ZNF536: variants seen among roughly 807,000 people sequenced by gnomAD.
The protein encoded by ZNF536 is zinc finger protein 536.
A neutral mutation model predicts 84.5 loss-of-function variants in ZNF536; 13 were observed. That is an observed-to-expected ratio of 0.15 (90% confidence interval 0.10 to 0.24). ZNF536 has a LOEUF of 0.24. Ranked by LOEUF, ZNF536 falls within the 10% of genes least tolerant of loss-of-function variation. The pLI, the probability that ZNF536 is intolerant of heterozygous loss-of-function variation, is 1.00. For missense variants in ZNF536, 1,536 were observed against 1,747.5 expected (o/e 0.88, Z 2.16); for synonymous variants, 811 against 742.5 (o/e 1.09, Z -1.50).
intron 1 of ZNF536, among the ~76,000 whole-genome samples, chr19:30,416,992 G>C (rs1043366353): frequency 6.6e-6 from 1 of 151,666 alleles, no homozygotes; most frequent in Non-Finnish European, 1.5e-5. Context: ...TTTCTTTCTT[G>C]AGATGGAGTC....
At chr19:30,704,532 A>G (rs893782398) in intron 1 of ZNF536, among the ~76,000 whole-genome samples, 65 of 151,460 alleles carry the variant, frequency 4.3e-4, no homozygotes, top group African/African-American at 1.5e-3. Context: ...CTGTAATCCC[A>G]GCTACTTGGG....
intron 1 of ZNF536, among the ~76,000 whole-genome samples, chr19:30,378,120 TC>T (rs1313575774): frequency 6.6e-6 from 1 of 152,168 alleles, no homozygotes; most frequent in Non-Finnish European, 1.5e-5. Context: ...AGTGGAGGCT[TC>T]TTAGTCGCCC....
At chr19:30,701,260 A>C (rs1472646079) in intron 1 of ZNF536, among the ~76,000 whole-genome samples, 2 of 147,112 alleles carry the variant, frequency 1.4e-5, no homozygotes, top group East Asian at 4.1e-4. Context: ...CACACACACA[A>C]ACACACAGAC....
Position 30,601,765 on chromosome 19 carries a change from C to T in ZNF536, c.169+52251C>T, listed in dbSNP as rs141288135. 1.6e-3 allele frequency among the ~76,000 whole-genome samples: 245 copies of T among 152,196 alleles called. 1 individual carries two copies. Among genetic ancestry groups the T allele is most frequent in the African/African-American group, 5.5e-3 (228 of 41,530 alleles). The stretch of plus-strand genomic sequence containing the variant: ...CAGTTTCCTGGGCAAGGGTCTGGGA[C>T]GGGTATGTCCTGCTGAAGGCAACGT... On this transcript the variant is annotated intron_variant, in intron 1 of 1. Transcript: ENST00000592773.
At chr19:30,509,655 A>T (rs1237396785) in intron 2 of ZNF536, among the ~76,000 whole-genome samples, 1 of 152,062 alleles carries the variant, frequency 6.6e-6, no homozygotes, top group East Asian at 1.9e-4. Context: ...CATCTCAAAT[A>T]GTTATCCTTT....
chr19:30,404,851 G>A (rs549500595), intron 1 of ZNF536, among the ~76,000 whole-genome samples: 1 of 152,292 alleles, frequency 6.6e-6, no homozygotes, highest in South Asian at 2.1e-4. Context: ...AGACGGTCCT[G>A]CCCCAGGCAC....
intron 1 of ZNF536, among the ~76,000 whole-genome samples, chr19:30,374,993 G>C (rs1455150891): frequency 3.3e-5 from 5 of 151,902 alleles, no homozygotes; most frequent in African/African-American, 4.8e-5. Flanking sequence ...CCTGGAGATC[G>C]GGCGCGCGGG....
At chr19:30,414,875 G>T (rs117607867) in intron 1 of ZNF536, among the ~76,000 whole-genome samples, 5,564 of 152,158 alleles carry the variant, frequency 0.037, 154 homozygotes, top group Middle Eastern at 0.099. Context: ...GCTACATATA[G>T]AATTCTAGGT....
chr19:30,606,734 C>T (rs1025988969), intron 1 of ZNF536, among the ~76,000 whole-genome samples: 9 of 152,084 alleles, frequency 5.9e-5, no homozygotes, highest in African/African-American at 2.2e-4. Context: ...AGTCTGGGCT[C>T]TGCAGACCCA....
At chr19:30,697,603 G>T (rs2051716520) in intron 1 of ZNF536, among the ~76,000 whole-genome samples, 2 of 152,294 alleles carry the variant, frequency 1.3e-5, no homozygotes, top group East Asian at 1.9e-4. Context: ...ACTTAGAAAG[G>T]TTAACTAGCT....
chr19:30,529,556 T>C (rs1286772731), intron 2 of ZNF536, among the ~76,000 whole-genome samples: 1 of 152,188 alleles, frequency 6.6e-6, no homozygotes, highest in Non-Finnish European at 1.5e-5. Context: ...TGCACCTTCA[T>C]GTCACCTTGA....
At chr19:30,449,532 T>C (rs564412288) in intron 2 of ZNF536, among the ~76,000 whole-genome samples, 4 of 152,316 alleles carry the variant, frequency 2.6e-5, no homozygotes, top group African/African-American at 9.6e-5. Context: ...ATGATACTGT[T>C]CATTATATCC....
At chr19:30,510,706 A>T (rs1353569437) in intron 2 of ZNF536, among the ~76,000 whole-genome samples, 1 of 152,224 alleles carries the variant, frequency 6.6e-6, no homozygotes, top group East Asian at 1.9e-4. Flanking sequence ...AGCTAGAAGT[A>T]GGTGGCTCTC....
intron 1 of ZNF536, among the ~76,000 whole-genome samples, chr19:30,229,574 G>GGC (rs1555770112): frequency 1.3e-5 from 2 of 152,132 alleles, no homozygotes; most frequent in Non-Finnish European, 2.9e-5. Flanking sequence ...CGGGTGGTGG[G>GGC]GGGGGCTCAG....
chr19:30,500,131 G>C (rs972935450), intron 2 of ZNF536, among the ~76,000 whole-genome samples: 26 of 152,182 alleles, frequency 1.7e-4, no homozygotes, highest in Admixed American at 1.5e-3. Flanking sequence ...TGTTTTCTTG[G>C]GATGGGCTTG....
At chr19:30,667,144 C>A (rs1264683101) in intron 1 of ZNF536, among the ~76,000 whole-genome samples, 1 of 152,184 alleles carries the variant, frequency 6.6e-6, no homozygotes, top group Non-Finnish European at 1.5e-5. Flanking sequence ...AGTAGCACAG[C>A]ACCGAGGACT....
rs35581619 is a variant in ZNF536, at chr19:30,620,029, CTTT to C, written c.169+70527_169+70529del. On this transcript the variant is annotated intron_variant, in intron 1 of 1. Coordinates refer to the ZNF536 transcript ENST00000592773. Reference sequence around the variant, plus strand: ...CCTTTTCTTTTTTTCTTCCTCTATGCTTTTTTTTTTTTTTGTAGTGATAATTTA... The same window carrying C: ...CCTTTTCTTTTTTTCTTCCTCTATGCTTTTTTTTTTTGTAGTGATAATTTA... Among the ~76,000 whole-genome samples the C allele has an allele frequency of 2.3e-3, 308 of 135,066 alleles. 1 individual carries two copies. Among genetic ancestry groups the C allele is most frequent in the African/African-American group, 4.4e-3 (165 of 37,366 alleles). 88.6% of individuals were successfully genotyped at this position (135,066 alleles called of 152,430 possible).
At chr19:30,331,194 G>A (rs1195958495) in intron 2 of ZNF536, among the ~76,000 whole-genome samples, 1 of 143,250 alleles carries the variant, frequency 7.0e-6, no homozygotes, top group Non-Finnish European at 1.5e-5. Flanking sequence ...TGAGGCAGGA[G>A]GATTGCTTGA....
At chr19:30,398,888 T>C (rs1039528227) in intron 1 of ZNF536, among the ~76,000 whole-genome samples, 1 of 152,226 alleles carries the variant, frequency 6.6e-6, no homozygotes, top group Non-Finnish European at 1.5e-5. Context: ...TGTGTGCATG[T>C]CTCTTTATAG....
Sources: gnomAD v4.1 joint callset for allele counts (sites outside exome capture counted in the v4.1 genomes callset) on GRCh38, gnomAD v4.1.1 for gene constraint, MANE v1.5 for transcripts, NCBI Gene and HGNC (gene_info 2026-07-23, HGNC 2026-07-21) for gene names.